GPC5: variants seen among roughly 807,000 people sequenced by gnomAD.
GPC5 encodes the protein glypican 5, also known as glypican-5.
In GPC5, 47 loss-of-function variants were observed where a neutral mutation model predicts 53.9. The ratio of observed to expected loss-of-function variants is 0.87; its 90% CI spans 0.69 to 1.11. The LOEUF (loss-of-function observed/expected upper bound fraction) is 1.11. Ranked by LOEUF, GPC5 falls within the 50% of genes most tolerant of loss-of-function variation. GPC5 has a pLI of 0.00. For missense variants in GPC5, 748 were observed against 713.1 expected (o/e 1.05, Z -0.56); for synonymous variants, 286 against 263.3 (o/e 1.09, Z -0.84).
chr13:91,595,119 G>A (rs1594305958), intron 2 of GPC5, among the ~76,000 whole-genome samples: 2 of 151,974 alleles, frequency 1.3e-5, no homozygotes, highest in South Asian at 4.2e-4. Context: ...CACCTGTTGG[G>A]TTCAAGCAAT....
intron 5 of GPC5, among the ~76,000 whole-genome samples, chr13:91,881,099 C>CT: frequency 6.6e-6 from 1 of 151,916 alleles, no homozygotes; most frequent in South Asian, 2.1e-4. Flanking sequence ...CCTATAGTAA[C>CT]TTTTTTTTAA....
chr13:92,828,990 T>C (rs572522113), intron 7 of GPC5, among the ~76,000 whole-genome samples: 1 of 152,276 alleles, frequency 6.6e-6, no homozygotes, highest in Admixed American at 6.5e-5. Context: ...CTTGTATCCC[T>C]AAATCCACAA....
At chr13:92,462,213 C>G (rs1878515072) in intron 7 of GPC5, among the ~76,000 whole-genome samples, 1 of 152,216 alleles carries the variant, frequency 6.6e-6, no homozygotes, top group Non-Finnish European at 1.5e-5. Flanking sequence ...CTTTGTTTGG[C>G]TGGCTCATTG....
intron 7 of GPC5, among the ~76,000 whole-genome samples, chr13:92,535,486 A>AG (rs35734732): frequency 7.2e-5 from 11 of 152,114 alleles, no homozygotes; most frequent in East Asian, 1.9e-4. Context: ...ACAGGAACTA[A>AG]GGGGGGGTCC....
chr13:91,629,986 C>T (rs1014388619), intron 2 of GPC5, among the ~76,000 whole-genome samples: 4 of 152,054 alleles, frequency 2.6e-5, no homozygotes, highest in Non-Finnish European at 4.4e-5. Context: ...TCATCTTTAT[C>T]GCCAGGCACA....
At chr13:91,689,217 A>G (rs1042015447) in intron 2 of GPC5, among the ~76,000 whole-genome samples, 4 of 122,066 alleles carry the variant, frequency 3.3e-5, no homozygotes, top group Admixed American at 1.6e-4. Context: ...ATATATATAT[A>G]TATATATATA....
In GPC5 at chr13:92,695,203, G is replaced by T. The variant is rs1362434923; in HGVS notation, c.1562-171079G>T. 3.9e-5 allele frequency among the ~76,000 whole-genome samples: 6 copies of T among 152,146 alleles called. No individual in the cohort carries two copies. The East Asian group carries it at 7.7e-4, about 20-fold the overall frequency. ...CGACTACAAGCAGTTTTTCATGCTT[G>T]TTGGCCACTTGTATGTCTTCTTTTG... On this transcript the variant is annotated intron_variant, in intron 7 of 7. Coordinates refer to ENST00000377067, the MANE Select transcript of GPC5 (RefSeq NM_004466.6).
chr13:92,837,788 C>G (rs539291634), intron 7 of GPC5, among the ~76,000 whole-genome samples: 29 of 152,202 alleles, frequency 1.9e-4, no homozygotes, highest in South Asian at 6.2e-4. Flanking sequence ...GTAAAGTGGA[C>G]CTTAAGAAGG....
intron 7 of GPC5, among the ~76,000 whole-genome samples, chr13:92,612,297 G>C (rs1275008435): frequency 6.6e-6 from 1 of 151,944 alleles, no homozygotes; most frequent in Non-Finnish European, 1.5e-5. Flanking sequence ...ATCTACATTT[G>C]TGTAAATGTT....
chr13:92,682,765 T>C (rs1015632965), intron 7 of GPC5, among the ~76,000 whole-genome samples: 7 of 152,214 alleles, frequency 4.6e-5, no homozygotes, highest in African/African-American at 1.4e-4. Flanking sequence ...TTTTATCAAA[T>C]AGTTTCTATT....
chr13:91,801,660 A>G (rs2038138294), intron 5 of GPC5, among the ~76,000 whole-genome samples: 1 of 152,228 alleles, frequency 6.6e-6, no homozygotes, highest in South Asian at 2.1e-4. Flanking sequence ...GACAGTGGAA[A>G]TATTTCTAAT....
intron 7 of GPC5, among the ~76,000 whole-genome samples, chr13:92,228,302 CA>C: frequency 6.6e-6 from 1 of 151,438 alleles, no homozygotes; most frequent in Non-Finnish European, 1.5e-5. Flanking sequence ...TTATATAAAA[CA>C]AAAATATAAA....
At chr13:92,090,731 G>A (rs2041373593) in intron 6 of GPC5, among the ~76,000 whole-genome samples, 1 of 152,172 alleles carries the variant, frequency 6.6e-6, no homozygotes, top group Non-Finnish European at 1.5e-5. Flanking sequence ...ATGATGTTTT[G>A]TGTAGCTGTA....
rs747183792 is a variant in GPC5 at position 91,896,033 on chromosome 13, C to G, written c.1281-11904C>G. Among the ~76,000 whole-genome samples, 5 of 152,220 alleles carry G rather than the reference C, an allele frequency of 3.3e-5. No individual in the cohort carries two copies. The Middle Eastern group carries it at 0.01, about 311-fold the overall frequency. ...TCTGTCTGTAAAAAATGACCTCTGC[C>G]TCAGCCTTACAGGAACACATGTGAT... On this transcript the variant is annotated intron_variant, in intron 5 of 7. Transcript: ENST00000377067.
At chr13:91,543,742 A>G (rs1481873651) in intron 2 of GPC5, among the ~76,000 whole-genome samples, 1 of 152,222 alleles carries the variant, frequency 6.6e-6, no homozygotes, top group Non-Finnish European at 1.5e-5. Flanking sequence ...TGTTCCCTGC[A>G]GTAAGTGAAG....
chr13:91,920,310 A>G (rs1179335502), intron 6 of GPC5, among the ~76,000 whole-genome samples: 3 of 152,176 alleles, frequency 2.0e-5, no homozygotes, highest in Non-Finnish European at 4.4e-5. Context: ...TAAAAATTCA[A>G]TAGAAGCATT....
chr13:92,148,406 A>C (rs1323977493), intron 7 of GPC5, among the ~76,000 whole-genome samples: 2 of 152,050 alleles, frequency 1.3e-5, no homozygotes, highest in African/African-American at 2.4e-5. Flanking sequence ...TTCATCACCA[A>C]TGTTATCAAC....
chr13:92,785,168 C>T (rs1227607322), intron 7 of GPC5, among the ~76,000 whole-genome samples: 2 of 152,000 alleles, frequency 1.3e-5, no homozygotes, highest in Admixed American at 1.3e-4. Flanking sequence ...CCCAGCTACT[C>T]GGGAGGCTGA....
chr13:92,621,226 C>T (rs1242963207), intron 7 of GPC5, among the ~76,000 whole-genome samples: 2 of 152,066 alleles, frequency 1.3e-5, no homozygotes, highest in Admixed American at 1.3e-4. Context: ...TGTCCAAAAC[C>T]AACTCTGCCA....
Sources: allele counts gnomAD v4.1 joint callset (sites outside exome capture counted in the v4.1 genomes callset), GRCh38; gene constraint gnomAD v4.1.1; transcripts MANE v1.5; gene names NCBI Gene and HGNC (gene_info 2026-07-23, HGNC 2026-07-21).